Variants in MACROD2 observed in about 807,000 individuals in gnomAD.
The protein encoded by MACROD2 is mono-ADP ribosylhydrolase 2, also known as ADP-ribose glycohydrolase MACROD2.
In MACROD2, 36 loss-of-function variants were observed where a neutral mutation model predicts 70.4. That is an observed-to-expected ratio of 0.51 (90% CI 0.39 to 0.68). MACROD2 has a LOEUF of 0.68. Ranked by LOEUF, MACROD2 falls within the 30% of genes least tolerant of loss-of-function variation. The pLI, the probability that MACROD2 is intolerant of heterozygous loss-of-function variation, is 0.00. For synonymous variants in MACROD2, 172 were observed against 178.8 expected (o/e 0.96, Z 0.30); for missense variants, 496 against 538.4 (o/e 0.92, Z 0.78).
intron 6 of MACROD2, among the ~76,000 whole-genome samples, chr20:15,304,211 T>C (rs1324517906): frequency 2.0e-5 from 3 of 152,190 alleles, no homozygotes; most frequent in African/African-American, 7.2e-5. Flanking sequence ...TTAGGGAAAA[T>C]TGAATCTGGT....
chr20:15,578,848 T>A (rs2048485491), intron 8 of MACROD2, among the ~76,000 whole-genome samples: 1 of 152,128 alleles, frequency 6.6e-6, no homozygotes, highest in Non-Finnish European at 1.5e-5. Flanking sequence ...ACAAACAGTA[T>A]AACATTAATC....
At chr20:15,216,491 C>T (rs568139616) in intron 5 of MACROD2, among the ~76,000 whole-genome samples, 2 of 151,870 alleles carry the variant, frequency 1.3e-5, no homozygotes, top group Admixed American at 1.3e-4. Flanking sequence ...TCACAGTAGA[C>T]GTGAATGAAG....
chr20:15,117,475 A>G (rs1464650588), intron 5 of MACROD2, among the ~76,000 whole-genome samples: 2 of 152,312 alleles, frequency 1.3e-5, no homozygotes, highest in East Asian at 1.9e-4. Context: ...TCTAGAGTAG[A>G]TAAAAATGAA....
intron 6 of MACROD2, among the ~76,000 whole-genome samples, chr20:15,393,740 G>C (rs1356342416): frequency 6.6e-6 from 1 of 152,080 alleles, no homozygotes; most frequent in Non-Finnish European, 1.5e-5. Flanking sequence ...CAGAGTATAA[G>C]GTCTTTGATA....
intron 5 of MACROD2, among the ~76,000 whole-genome samples, chr20:15,025,062 A>G (rs1408880448): frequency 1.3e-5 from 2 of 152,080 alleles, no homozygotes; most frequent in African/African-American, 4.8e-5. Context: ...TGACTTTCCA[A>G]TGTTGTTTTT....
chr20:14,184,513 T>C (rs2081329246), intron 3 of MACROD2, among the ~76,000 whole-genome samples: 1 of 152,038 alleles, frequency 6.6e-6, no homozygotes, highest in African/African-American at 2.4e-5. Context: ...TATTTGGTTT[T>C]TTTTTTTGGT....
intron 5 of MACROD2, chr20:14,894,886 T>A (rs1717811430): frequency 6.6e-6 from 1 of 152,136 alleles, no homozygotes; most frequent in Admixed American, 6.6e-5. Flanking sequence ...TATATTAACA[T>A]GTTTGGGACT....
intron 5 of MACROD2, among the ~76,000 whole-genome samples, chr20:14,771,396 T>G (rs1881039762): frequency 6.6e-6 from 1 of 152,026 alleles, no homozygotes; most frequent in African/African-American, 2.4e-5. Flanking sequence ...TCAAACACCA[T>G]ATTATAATTA....
intron 5 of MACROD2, among the ~76,000 whole-genome samples, chr20:14,985,979 A>T (rs2074845273): frequency 6.6e-6 from 1 of 152,082 alleles, no homozygotes; most frequent in East Asian, 1.9e-4. Flanking sequence ...GTAGTGCAAC[A>T]TATTTGGGAG....
chr20:15,988,047 T>C (rs1393669415), intron 15 of MACROD2, among the ~76,000 whole-genome samples: 2 of 152,172 alleles, frequency 1.3e-5, no homozygotes, highest in Admixed American at 6.5e-5. Context: ...ATCAGGTCAA[T>C]AGCAACTACA....
intron 7 of MACROD2, among the ~76,000 whole-genome samples, chr20:15,469,340 C>T (rs1480520313): frequency 6.6e-6 from 1 of 152,122 alleles, no homozygotes; most frequent in East Asian, 1.9e-4. Flanking sequence ...AAGAAGGTAG[C>T]ACAGGTGAGG....
chr20:14,511,285 G>A (rs2123147912), intron 4 of MACROD2, among the ~76,000 whole-genome samples: 1 of 152,098 alleles, frequency 6.6e-6, no homozygotes, highest in South Asian at 2.1e-4. Flanking sequence ...TGGATAGTTT[G>A]TAATGTAAAA....
intron 1 of MACROD2, among the ~76,000 whole-genome samples, chr20:13,999,840 AC>A (rs1712780702): frequency 6.6e-6 from 1 of 152,036 alleles, no homozygotes; most frequent in Admixed American, 6.6e-5. Context: ...AGTAATTTTC[AC>A]TTTTTCTGAC....
At chr20:15,587,749 A>G (rs960711640) in intron 8 of MACROD2, among the ~76,000 whole-genome samples, 1 of 152,196 alleles carries the variant, frequency 6.6e-6, no homozygotes, top group African/African-American at 2.4e-5. Context: ...CAGGTCTCAC[A>G]TCCAGGTAAT....
At position 15,805,882 on chromosome 20, in the gene MACROD2, G is replaced by A. The variant is rs534346269; in HGVS notation, c.646-56863G>A. Among the ~76,000 whole-genome samples, 3 of 152,332 alleles carry A rather than the reference G, an allele frequency of 2.0e-5. No individual in the cohort carries two copies. In the South Asian group the frequency reaches 6.2e-4, roughly 32 times the overall value. On this transcript the variant is annotated intron_variant, in intron 8 of 17. Coordinates refer to ENST00000684519, the MANE Select transcript of MACROD2 (RefSeq NM_001351661.2). ...GAGGAGGGAGGAAGCAAAAATAACA[G>A]TCTTGGAGAACTGGGAGTATGGCAG...
At chr20:15,169,424 T>G (rs982051002) in intron 5 of MACROD2, among the ~76,000 whole-genome samples, 19 of 152,176 alleles carry the variant, frequency 1.2e-4, no homozygotes, top group African/African-American at 4.6e-4. Context: ...TTTTTTGGCC[T>G]CTGGATTGCT....
At chr20:16,023,399 G>T (rs2067030644) in intron 15 of MACROD2, among the ~76,000 whole-genome samples, 1 of 151,284 alleles carries the variant, frequency 6.6e-6, no homozygotes, top group African/African-American at 2.4e-5. Flanking sequence ...GGCTGAACCT[G>T]GGAGGTGAAG....
chr20:14,194,506 T>C (rs756049227), intron 3 of MACROD2, among the ~76,000 whole-genome samples: 11 of 152,106 alleles, frequency 7.2e-5, no homozygotes, highest in Non-Finnish European at 1.3e-4. Flanking sequence ...TAAGTGACAC[T>C]GTGGCGAGGG....
At chr20:14,822,966 C>T (rs947453674) in intron 5 of MACROD2, among the ~76,000 whole-genome samples, 2 of 151,996 alleles carry the variant, frequency 1.3e-5, no homozygotes, top group Admixed American at 6.6e-5. Context: ...ATGTGTGTTT[C>T]GGTCTTCTTC....
Sources: allele counts gnomAD v4.1 joint callset (sites outside exome capture counted in the v4.1 genomes callset), GRCh38; gene constraint gnomAD v4.1.1; transcripts MANE v1.5; gene names NCBI Gene and HGNC (gene_info 2026-07-23, HGNC 2026-07-21).